Variants in EXD1 observed in about 807,000 individuals in gnomAD.
EXD1 encodes exonuclease 3'-5' domain containing 1.
A neutral mutation model predicts 49.1 loss-of-function variants in EXD1; 63 were observed. The observed-to-expected ratio is 1.28, with a 90% CI of 1.05 to 1.58. The LOEUF (loss-of-function observed/expected upper bound fraction) is 1.58. Ranked by LOEUF, EXD1 falls within the 40% of genes most tolerant of loss-of-function variation. The pLI, the probability that EXD1 is intolerant of heterozygous loss-of-function variation, is 0.00. For missense variants in EXD1, 748 were observed against 666.0 expected (o/e 1.12, Z -1.36); for synonymous variants, 234 against 239.2 (o/e 0.98, Z 0.20).
Position 41,209,520 on chromosome 15 carries a change from C to A in EXD1, c.515G>T (p.Gly172Val). 6.2e-7 allele frequency: 1 copy of A among 1,614,072 alleles called. No individual in the cohort carries two copies. The highest frequency in any genetic ancestry group is 8.5e-7 in the Non-Finnish European group (1 of 1,179,990). ...AAEGANVCRH[G>V]KLCWLQVATN... ...TTTCACCTGCAGCCAGCACAGTTTG[C>A]CATGGCGACATACATTCGCTCCTTC... The change falls in exon 7 of 12, where the codon GGC (glycine) becomes GTC (valine). Residue 172 changes from glycine (G) to valine (V), a missense_variant. Coordinates refer to ENST00000458580, the MANE Select transcript of EXD1 (RefSeq NM_001286441.2).
chr15:41,190,105 G>A lies in EXD1; in HGVS notation c.888C>T (p.Ile296=), dbSNP rs2046484544. The A allele has an allele frequency of 6.2e-7, 1 of 1,613,996 alleles. No homozygotes were observed. Among genetic ancestry groups the A allele is most frequent in the African/African-American group, 1.3e-5 (1 of 74,900 alleles). Residue 296 remains isoleucine (I), a synonymous_variant, in exon 11 of 12, where the codon ATC becomes ATT. Transcript: ENST00000458580. ...TCAGTAAAGAGGGTGAAACAGGTCG[G>A]ATGAACCATACTTCTGGATTTTCCT... ...LIQENPEVWF[I]RPVSPSLLKI...
At chr15:41,205,192 A>G (rs1595442652) in intron 7 of EXD1, among the ~76,000 whole-genome samples, 1 of 152,290 alleles carries the variant, frequency 6.6e-6, no homozygotes. Context: ...AAACCTACAG[A>G]AGGCAAAGGG....
At chr15:41,205,989 C>T (rs2046816792) in intron 7 of EXD1, among the ~76,000 whole-genome samples, 2 of 150,438 alleles carry the variant, frequency 1.3e-5, no homozygotes, top group Non-Finnish European at 2.9e-5. Flanking sequence ...AAGCAATTCT[C>T]CTGCCTCAGC....
chr15:41,226,120 C>T (rs963735851), intron 2 of EXD1, among the ~76,000 whole-genome samples: 30 of 146,682 alleles, frequency 2.0e-4, no homozygotes, highest in Non-Finnish European at 2.6e-4. Context: ...GGAGTGGTGG[C>T]GGGTGTCTGT....
At chr15:41,207,057 G>C (rs527861594) in intron 7 of EXD1, among the ~76,000 whole-genome samples, 1 of 134,758 alleles carries the variant, frequency 7.4e-6, no homozygotes, top group Admixed American at 7.6e-5. Context: ...CCTGGCCAAC[G>C]TGGTGAAACC....
chr15:41,225,791 G>C (rs1405269555), intron 2 of EXD1, among the ~76,000 whole-genome samples: 1 of 151,838 alleles, frequency 6.6e-6, no homozygotes, highest in East Asian at 1.9e-4. Flanking sequence ...GGGAGGCTGA[G>C]GCAGGAGAAT....
intron 7 of EXD1, among the ~76,000 whole-genome samples, chr15:41,199,764 ATG>A (rs2046692147): frequency 1.9e-4 from 4 of 21,134 alleles, no homozygotes; most frequent in Admixed American, 6.6e-4. Flanking sequence ...TGATACATAT[ATG>A]ATATATATGT....
chr15:41,189,856 G>C, intron 11 of EXD1, 81 bp downstream of exon 11: 1 of 1,391,336 alleles, frequency 7.2e-7, no homozygotes, highest in Non-Finnish European at 1.0e-6. Context: ...AACTATCGCA[G>C]CTATGAAGAA....
At chr15:41,197,793 T>G (rs1415202985) in intron 7 of EXD1, among the ~76,000 whole-genome samples, 1 of 151,772 alleles carries the variant, frequency 6.6e-6, no homozygotes, top group East Asian at 1.9e-4. Flanking sequence ...CTGGCTAATT[T>G]TTTGTATATT....
At chr15:41,193,809 A>T (rs1233058198) in intron 9 of EXD1, among the ~76,000 whole-genome samples, 1 of 151,940 alleles carries the variant, frequency 6.6e-6, no homozygotes, top group Non-Finnish European at 1.5e-5. Flanking sequence ...AAAAGCTAAT[A>T]AAATAAATAA....
At chr15:41,184,816 A>G (rs2448402) in intron 11 of EXD1, among the ~76,000 whole-genome samples, 115,319 of 151,842 alleles carry the variant, frequency 0.76, 43,952 homozygotes, top group East Asian at 0.99. Context: ...CACCACGCCC[A>G]GCTAATTTTT....
In EXD1 at chr15:41,219,684, C is replaced by G. The variant is rs557824705; in HGVS notation, c.202+146G>C. The G allele has an allele frequency of 1.2e-3, 730 of 619,900 alleles. 19 individuals carry two copies. In the South Asian group the frequency reaches 0.016, roughly 14 times the overall value. The allele number at this position is 619,900 out of a possible 1,614,324, so 38.4% of individuals were successfully genotyped here. On this transcript the variant is annotated intron_variant, in intron 3 of 11. Coordinates refer to ENST00000458580, the MANE Select transcript of EXD1 (RefSeq NM_001286441.2). ...TATAATTCTATAAGACTATTTTACT[C>G]ATAGAGTACCCACAGAAGCAGTAAG...
Position 41,195,989 on chromosome 15 carries a change from T to A in EXD1, c.583A>T (p.Ser195Cys), listed in dbSNP as rs773052600. 6.2e-7 allele frequency: 1 copy of A among 1,613,396 alleles called. No individual in the cohort carries two copies. Among genetic ancestry groups the A allele is most frequent in the South Asian group, 1.1e-5 (1 of 90,992 alleles). ...TGAAGTCCATTGTGGAAAGCTCGAC[T>A]TCCCAGAAGGAAAATGTCAAATAAG... ...VYLFDIFLLG[S>C]RAFHNGLQMI... Residue 195 changes from serine to cysteine, a missense_variant, in exon 8 of 12, where the codon AGT becomes TGT. Ser to Cys is a moderately radical substitution (Grantham distance 112, BLOSUM62 -1). Transcript: ENST00000458580.
intron 2 of EXD1, among the ~76,000 whole-genome samples, 192 bp downstream of exon 2, chr15:41,226,251 C>CAA: frequency 7.0e-6 from 1 of 142,148 alleles, no homozygotes; most frequent in Non-Finnish European, 1.5e-5. Flanking sequence ...GACTCCATCT[C>CAA]AAAAAAAAAA....
rs150003286 is a variant in EXD1, at chr15:41,220,302, G to A, written c.134-404C>T. 5.5e-3 allele frequency among the ~76,000 whole-genome samples: 818 copies of A among 150,024 alleles called. 10 individuals are homozygous for A. The highest frequency in any genetic ancestry group is 0.019 in the African/African-American group (788 of 40,834). ...TTTTTTTTTTTTGAGATGGAGTCTC[G>A]TTCTGTCACGTAGGCTGCAGTGCAG... On this transcript the variant is annotated intron_variant, in intron 2 of 11. Transcript: ENST00000458580.
In EXD1 at chr15:41,225,581, T is replaced by C. The variant is rs560315917; in HGVS notation, c.133+862A>G. Among the ~76,000 whole-genome samples, 850 of 118,976 alleles carry C rather than the reference T, an allele frequency of 7.1e-3. 9 individuals are homozygous for C. The highest frequency in any genetic ancestry group is 1.0e-2 in the Non-Finnish European group (587 of 58,820). The allele number at this position is 118,976 out of a possible 152,430, so 78.1% of individuals were successfully genotyped here. A position where few individuals can be genotyped will look rare whatever the true frequency, so the allele number is the denominator to read the frequency against. ...GCCTGGGCAACAAGAACGAGACTCA[T>C]TCTCAGAAAAAAAAAAAAAGGCCGG... is the stretch of plus-strand genomic sequence containing the variant. On this transcript the variant is annotated intron_variant, in intron 2 of 11. Transcript: ENST00000458580.
chr15:41,205,528 A>G (rs1484599881), intron 7 of EXD1, among the ~76,000 whole-genome samples: 1 of 152,178 alleles, frequency 6.6e-6, no homozygotes, highest in Non-Finnish European at 1.5e-5. Flanking sequence ...CTGTAATCCC[A>G]GCAATTTGGA....
At position 41,212,077 on chromosome 15, in the gene EXD1, A is replaced by T. The variant is rs1044869676; in HGVS notation, c.448-2490T>A. On this transcript the variant is annotated intron_variant, in intron 6 of 11. Coordinates refer to ENST00000458580, the MANE Select transcript of EXD1 (RefSeq NM_001286441.2). ...TTAGCCATCACAGAAATGCAAATCA[A>T]AACCACAATAAGATACCACTTCATA... Among the ~76,000 whole-genome samples, 3 of 152,216 alleles carry T rather than the reference A, an allele frequency of 2.0e-5. No individual in the cohort carries two copies. In the South Asian group the frequency reaches 6.2e-4, roughly 31 times the overall value.
rs2046575047 is a variant in EXD1, at chr15:41,194,163, C to T, written c.720+1612G>A. Among the ~76,000 whole-genome samples, 10 of 151,932 alleles carry T rather than the reference C, an allele frequency of 6.6e-5. No homozygotes were observed. In the South Asian group the frequency reaches 1.9e-3, roughly 28 times the overall value. On this transcript the variant is annotated intron_variant, in intron 9 of 11. Coordinates refer to ENST00000458580, the MANE Select transcript of EXD1 (RefSeq NM_001286441.2). ...AGTAGCTGGGACTACAGGCGCCTGCCACCATGCCCGGCTAATTTTTTGTAT... is the reference window on the plus strand; with the variant it reads ...AGTAGCTGGGACTACAGGCGCCTGCTACCATGCCCGGCTAATTTTTTGTAT...
Sources: gnomAD v4.1 joint callset for allele counts (sites outside exome capture counted in the v4.1 genomes callset) on GRCh38, gnomAD v4.1.1 for gene constraint, MANE v1.5 for transcripts, NCBI Gene and HGNC (gene_info 2026-07-23, HGNC 2026-07-21) for gene names.